The following BCKDHB variants were observed in gnomAD, a reference collection of about 807,000 sequenced individuals.
The protein encoded by BCKDHB is branched chain keto acid dehydrogenase E1 subunit beta, also known as 2-oxoisovalerate dehydrogenase subunit beta, mitochondrial.
BCKDHB carries 41 observed loss-of-function variants against 48.5 expected under a neutral mutation model. The ratio of observed to expected loss-of-function variants is 0.85; its 90% CI spans 0.66 to 1.10. The LOEUF is 1.10. Among genes scored for constraint, BCKDHB ranks in the 50% least tolerant of loss-of-function variants. The pLI, the probability that BCKDHB is intolerant of heterozygous loss-of-function variation, is 0.00. For missense variants in BCKDHB, 496 were observed against 494.2 expected, an observed-to-expected ratio of 1.00 and a Z score of -0.03; for synonymous variants, 201 against 174.8, an observed-to-expected ratio of 1.15 and a Z score of -1.18.
the BCKDHB span, among the ~76,000 whole-genome samples, chr6:80,352,256 G>A: frequency 6.6e-6 from 1 of 152,034 alleles, no homozygotes; most frequent in Non-Finnish European, 1.5e-5. Context: ...GGGACTACAG[G>A]TGTGAGCCAC....
chr6:80,183,713 T>C (rs1773516695), intron 6 of BCKDHB, among the ~76,000 whole-genome samples: 1 of 152,140 alleles, frequency 6.6e-6, no homozygotes, highest in Non-Finnish European at 1.5e-5. Flanking sequence ...GTATTTCCAC[T>C]GTCCTAGAAA....
chr6:80,448,005 A>G, the BCKDHB span, among the ~76,000 whole-genome samples: 1 of 152,238 alleles, frequency 6.6e-6, no homozygotes, highest in Non-Finnish European at 1.5e-5. Context: ...AGTAAAATTA[A>G]TAAAAATAAG....
At position 80,182,259 on chromosome 6, in the gene BCKDHB, A is replaced by G. The variant is rs138049423; in HGVS notation, c.742+10869A>G. Among the ~76,000 whole-genome samples the G allele has an allele frequency of 1.7e-3, 265 of 152,334 alleles. 1 individual carries two copies. The highest frequency in any genetic ancestry group is 6.0e-3 in the African/African-American group (251 of 41,590). ...AGGAAGAATCAAAAGGTGTTCAGTC[A>G]ACTGACAGTGCAATTGCCTTTGAAT... is the stretch of plus-strand genomic sequence containing the variant. On this transcript the variant is annotated intron_variant, in intron 6 of 9. Coordinates refer to ENST00000320393, the MANE Select transcript of BCKDHB (RefSeq NM_183050.4).
chr6:80,340,344 A>C (rs986403483), intron 9 of BCKDHB, among the ~76,000 whole-genome samples: 1 of 152,056 alleles, frequency 6.6e-6, no homozygotes, highest in Non-Finnish European at 1.5e-5. Context: ...AGCTAGAGAA[A>C]AGTTTCTCTA....
Position 80,166,934 on chromosome 6 carries a change from CT to C in BCKDHB, c.344-736del, listed in dbSNP as rs373139887. On this transcript the variant is annotated intron_variant, in intron 3 of 9. Transcript: ENST00000320393. ...TCATCTCTATTTTTCACACTCCCTC[CT>C]TTTTTTTGGTATGCCTTTTTTGTCA... Among the ~76,000 whole-genome samples, 3 of 151,696 alleles carry C rather than the reference CT, an allele frequency of 2.0e-5. 1 individual carries two copies. Among genetic ancestry groups the C allele is most frequent in the South Asian group, 4.2e-4 (2 of 4,800 alleles).
intron 6 of BCKDHB, among the ~76,000 whole-genome samples, chr6:80,186,245 G>A (rs932428422): frequency 2.6e-5 from 4 of 152,136 alleles, no homozygotes; most frequent in African/African-American, 4.8e-5. Flanking sequence ...GCAGGTCTGA[G>A]CTCAGACTCT....
At chr6:80,170,306 G>T (rs1366756050) in intron 5 of BCKDHB, among the ~76,000 whole-genome samples, 1 of 152,028 alleles carries the variant, frequency 6.6e-6, no homozygotes, top group Non-Finnish European at 1.5e-5. Flanking sequence ...AATATAGTTT[G>T]CCTCAGGGAA....
At chr6:80,449,538 G>A in the BCKDHB span, among the ~76,000 whole-genome samples, 7 of 152,254 alleles carry the variant, frequency 4.6e-5, no homozygotes, top group Admixed American at 6.5e-5. Context: ...TCGAGGAGAC[G>A]TTAACTTGTT....
At chr6:80,139,043 C>G (rs902817938) in intron 3 of BCKDHB, among the ~76,000 whole-genome samples, 1 of 152,206 alleles carries the variant, frequency 6.6e-6, no homozygotes. Context: ...TTGCATTTCT[C>G]TGATGGCCGG....
chr6:80,448,693 C>G, the BCKDHB span, among the ~76,000 whole-genome samples: 6 of 152,152 alleles, frequency 3.9e-5, no homozygotes, highest in African/African-American at 1.4e-4. Flanking sequence ...TATCTTTCAT[C>G]ATATTGAATA....
chr6:80,215,378 G>T (rs545626372), intron 8 of BCKDHB, among the ~76,000 whole-genome samples: 1 of 152,322 alleles, frequency 6.6e-6, no homozygotes, highest in African/African-American at 2.4e-5. Context: ...GTTCTAGGCT[G>T]TTGGATGCTA....
chr6:80,444,217 C>T, the BCKDHB span, among the ~76,000 whole-genome samples: 10 of 151,862 alleles, frequency 6.6e-5, no homozygotes, highest in East Asian at 1.5e-3. Flanking sequence ...GATTTAAAAA[C>T]GGACTTTGAC....
At chr6:80,395,534 A>T in the BCKDHB span, among the ~76,000 whole-genome samples, 1 of 152,200 alleles carries the variant, frequency 6.6e-6, no homozygotes, top group African/African-American at 2.4e-5. Context: ...TGTCTGGTGG[A>T]ATAAATTTCT....
At chr6:80,360,763 T>C in the BCKDHB span, among the ~76,000 whole-genome samples, 1 of 151,952 alleles carries the variant, frequency 6.6e-6, no homozygotes, top group Non-Finnish European at 1.5e-5. Context: ...CCCAGCACTT[T>C]GGGAGGCTGC....
rs1774503215 is a variant in BCKDHB at position 80,203,618 on chromosome 6, TC to T, written c.951+408del. ...TGGCTGAATTTTCATTTATCTTCTC[TC>T]CAAAAGTAATGGGGATGGATTTTTT... On this transcript the variant is annotated intron_variant, in intron 8 of 9. Coordinates refer to ENST00000320393, the MANE Select transcript of BCKDHB (RefSeq NM_183050.4). Among the ~76,000 whole-genome samples the T allele has an allele frequency of 2.0e-5, 3 of 152,182 alleles. No homozygotes were observed. The East Asian group carries it at 5.8e-4, about 29-fold the overall frequency.
At chr6:80,414,240 G>C in the BCKDHB span, among the ~76,000 whole-genome samples, 14 of 152,160 alleles carry the variant, frequency 9.2e-5, no homozygotes, top group East Asian at 2.5e-3. Flanking sequence ...CTCCCATTCT[G>C]TAGGTTGTCC....
intron 9 of BCKDHB, among the ~76,000 whole-genome samples, chr6:80,320,425 A>C (rs953710273): frequency 9.9e-5 from 15 of 152,076 alleles, no homozygotes; most frequent in African/African-American, 3.6e-4. Context: ...TTTTTCATAC[A>C]TCTTGATAAT....
At chr6:80,251,384 T>C (rs753871616) in intron 8 of BCKDHB, among the ~76,000 whole-genome samples, 1 of 152,188 alleles carries the variant, frequency 6.6e-6, no homozygotes, top group Non-Finnish European at 1.5e-5. Context: ...CTGTTCAAGG[T>C]TGGAGGACAG....
intron 3 of BCKDHB, among the ~76,000 whole-genome samples, chr6:80,158,868 G>A (rs979022152): frequency 2.0e-5 from 3 of 152,154 alleles, no homozygotes; most frequent in East Asian, 1.9e-4. Flanking sequence ...GGTGATCTGG[G>A]CTTCATGCAT....
Sources: gnomAD v4.1 joint callset for allele counts (sites outside exome capture counted in the v4.1 genomes callset) on GRCh38, gnomAD v4.1.1 for gene constraint, MANE v1.5 for transcripts, NCBI Gene and HGNC (gene_info 2026-07-23, HGNC 2026-07-21) for gene names.